Variants in PDE9A observed in about 807,000 individuals in gnomAD.
PDE9A encodes the protein high affinity cGMP-specific 3',5'-cyclic phosphodiesterase 9A.
In PDE9A, 60 loss-of-function variants were observed where a neutral mutation model predicts 87.4. The observed-to-expected ratio is 0.69, with a 90% CI of 0.56 to 0.85. The LOEUF (loss-of-function observed/expected upper bound fraction) is 0.85, where lower values mean the gene tolerates loss of function less well. Among genes scored for constraint, PDE9A ranks in the 40% least tolerant of loss-of-function variants. The pLI is 0.00. For synonymous variants in PDE9A, 272 were observed against 279.4 expected, an observed-to-expected ratio of 0.97 and a Z score of 0.27; for missense variants, 665 against 779.0, an observed-to-expected ratio of 0.85 and a Z score of 1.74.
chr21:42,762,021 C>G, intron 13 of PDE9A, 62 bp from the exon 14 acceptor site: 1 of 1,521,878 alleles, frequency 6.6e-7, no homozygotes. Flanking sequence ...GGGTGTTGCT[C>G]CCCCGTGCAG....
intron 14 of PDE9A, among the ~76,000 whole-genome samples, chr21:42,764,599 A>C (rs573283305): frequency 2.0e-5 from 3 of 152,376 alleles, no homozygotes; most frequent in African/African-American, 7.2e-5. Context: ...GCCGCTCTGC[A>C]CAGGGGATCG....
intron 1 of PDE9A, among the ~76,000 whole-genome samples, chr21:42,655,357 G>A (rs954209841): frequency 3.3e-5 from 5 of 152,204 alleles, no homozygotes; most frequent in African/African-American, 4.8e-5. Flanking sequence ...AAGATGTCCC[G>A]GGAGCAGCTC....
At chr21:42,768,739 A>G in intron 16 of PDE9A, 2 of 985,442 alleles carry the variant, frequency 2.0e-6, no homozygotes, top group South Asian at 4.7e-5. Flanking sequence ...GATGAACCCT[A>G]GGAGAAGTCG....
At chr21:42,740,735 GATA>G (rs2053127562) in intron 7 of PDE9A, among the ~76,000 whole-genome samples, 1 of 141,490 alleles carries the variant, frequency 7.1e-6, no homozygotes, top group Non-Finnish European at 1.5e-5. Flanking sequence ...TAGATAGATA[GATA>G]GATAGATAGA....
intron 1 of PDE9A, among the ~76,000 whole-genome samples, chr21:42,670,669 ACACATG>A (rs1285807286): frequency 6.8e-6 from 1 of 147,058 alleles, no homozygotes; most frequent in African/African-American, 2.7e-5. Flanking sequence ...ATACACACAT[ACACATG>A]CATTCACACA....
At chr21:42,685,497 A>G (rs1430726398) in intron 1 of PDE9A, among the ~76,000 whole-genome samples, 1 of 83,252 alleles carries the variant, frequency 1.2e-5, no homozygotes, top group African/African-American at 5.3e-5. Flanking sequence ...ACGGAGTTTC[A>G]CTCTTGTTGC....
chr21:42,658,178 G>C (rs1171706569), intron 1 of PDE9A, among the ~76,000 whole-genome samples: 1 of 152,186 alleles, frequency 6.6e-6, no homozygotes, highest in Non-Finnish European at 1.5e-5. Context: ...CTTCCACCCA[G>C]CCTGGTCCTG....
chr21:42,709,304 A>G (rs1051804862), intron 4 of PDE9A, among the ~76,000 whole-genome samples: 2 of 152,004 alleles, frequency 1.3e-5, no homozygotes, highest in African/African-American at 4.8e-5. Flanking sequence ...GCCTGTTGGG[A>G]GGGTTGGGGG....
chr21:42,666,128 T>C (rs952369139), intron 1 of PDE9A, among the ~76,000 whole-genome samples: 5 of 151,864 alleles, frequency 3.3e-5, no homozygotes, highest in African/African-American at 1.2e-4. Flanking sequence ...ACCAGTGCAG[T>C]GGGCGTGGCC....
At chr21:42,663,434 C>T (rs973492233) in intron 1 of PDE9A, among the ~76,000 whole-genome samples, 8 of 152,186 alleles carry the variant, frequency 5.3e-5, no homozygotes, top group Non-Finnish European at 7.3e-5. Flanking sequence ...CCACACAGCT[C>T]GGAGGGAGGG....
intron 1 of PDE9A, among the ~76,000 whole-genome samples, chr21:42,672,494 G>C (rs2058618573): frequency 6.6e-6 from 1 of 152,238 alleles, no homozygotes; most frequent in South Asian, 2.1e-4. Flanking sequence ...TAAAACCACA[G>C]AACGCAGAAT....
intron 3 of PDE9A, among the ~76,000 whole-genome samples, chr21:42,691,805 A>G (rs1016687014): frequency 4.0e-5 from 6 of 150,720 alleles, no homozygotes; most frequent in Non-Finnish European, 7.4e-5. Flanking sequence ...ACCCATCATC[A>G]TCACCATTTG....
At chr21:42,751,009 A>T in intron 8 of PDE9A, 107 bp from the exon 9 acceptor site, 1 of 777,204 alleles carries the variant, frequency 1.3e-6, no homozygotes, top group Non-Finnish European at 2.3e-6. Context: ...AGCAAATAAG[A>T]CCACACGGGG....
intron 14 of PDE9A, among the ~76,000 whole-genome samples, chr21:42,764,921 G>GAAGAGGAAAACATCAT (rs896506620): frequency 6.6e-6 from 1 of 151,944 alleles, no homozygotes; most frequent in Non-Finnish European, 1.5e-5. Context: ...TATTTTCTTG[G>GAAGAGGAAAACATCAT]AAGAGGAAAA....
At chr21:42,772,303 T>C in intron 18 of PDE9A, 136 bp from the exon 19 acceptor site, 1 of 623,670 alleles carries the variant, frequency 1.6e-6, no homozygotes, top group East Asian at 2.8e-5. Flanking sequence ...TCAGGAGTGC[T>C]TGGGCTCAGA....
rs75225742 is a variant in PDE9A at position 42,770,791 on chromosome 21, T to C, written c.1679T>C (p.Met560Thr). The C allele has an allele frequency of 2.7e-5, 44 of 1,612,790 alleles. No homozygotes were observed. Among genetic ancestry groups the C allele is most frequent in the Non-Finnish European group, 3.4e-5 (40 of 1,178,994 alleles). The change falls in exon 18 of 20, where the codon ATG becomes ACG. Residue 560 changes from methionine (M) to threonine (T), a missense_variant. By Grantham distance (81) the Met-to-Thr change is moderately conservative. Transcript: ENST00000291539. Reference sequence around the variant, plus strand: ...GAGCTGAAGCGGATAGATGACGCCATGAAAGAGGTAAAACACACTGAGAAG... The same window carrying C: ...GAGCTGAAGCGGATAGATGACGCCACGAAAGAGGTAAAACACACTGAGAAG... ...YEELKRIDDAMKELQKKTDSL... is the reference protein window; with the variant it reads ...YEELKRIDDATKELQKKTDSL...
intron 2 of PDE9A, 123 bp from the exon 3 acceptor site, chr21:42,687,794 C>A (rs1473647916): frequency 2.6e-6 from 2 of 767,604 alleles, no homozygotes; most frequent in African/African-American, 1.7e-5. Context: ...TCCCACCACA[C>A]CTTGGTCAGG....
intron 8 of PDE9A, among the ~76,000 whole-genome samples, chr21:42,749,830 T>A (rs1457784823): frequency 6.6e-6 from 1 of 152,216 alleles, no homozygotes; most frequent in Admixed American, 6.5e-5. Context: ...TTGGTGCAAT[T>A]CCATCTTTGT....
At chr21:42,753,602 C>A (rs1244600014) in intron 9 of PDE9A, among the ~76,000 whole-genome samples, 1 of 151,968 alleles carries the variant, frequency 6.6e-6, no homozygotes, top group Non-Finnish European at 1.5e-5. Context: ...GTGGCTCACA[C>A]CTGTAATCCC....
Sources: allele counts gnomAD v4.1 joint callset (sites outside exome capture counted in the v4.1 genomes callset), GRCh38; gene constraint gnomAD v4.1.1; transcripts MANE v1.5; gene names NCBI Gene and HGNC (gene_info 2026-07-23, HGNC 2026-07-21).